Variants in KLF3 observed in about 807,000 individuals in gnomAD.
The protein encoded by KLF3 is KLF transcription factor 3, also known as Krueppel-like factor 3.
KLF3 carries 6 observed loss-of-function variants against 32.7 expected under a neutral mutation model. The observed-to-expected ratio is 0.18, with a 90% CI of 0.10 to 0.36. KLF3 has a LOEUF of 0.36. Ranked by LOEUF, KLF3 falls within the 10% of genes least tolerant of loss-of-function variation. The pLI is 1.00. For missense variants in KLF3, 338 were observed against 449.7 expected, an observed-to-expected ratio of 0.75 and a Z score of 2.25; for synonymous variants, 145 against 172.8, an observed-to-expected ratio of 0.84 and a Z score of 1.26.
In KLF3 at chr4:38,678,080, A is replaced by G. The variant is rs574594048; in HGVS notation, c.-39-2507A>G. Among the ~76,000 whole-genome samples, 9 of 151,360 alleles carry G rather than the reference A, an allele frequency of 5.9e-5. No individual in the cohort carries two copies. The South Asian group carries it at 1.9e-3, about 31-fold the overall frequency. On this transcript the variant is annotated intron_variant, in intron 1 of 5. Transcript: ENST00000261438. The stretch of plus-strand genomic sequence containing the variant: ...ATACACCTGAGAATGTGAATGCTTT[A>G]ATTTAGAAGCATTTGCATCAAGATA...
At chr4:38,669,071 C>T (rs373292390) in intron 1 of KLF3, among the ~76,000 whole-genome samples, 3 of 152,248 alleles carry the variant, frequency 2.0e-5, no homozygotes, top group East Asian at 3.9e-4. Context: ...ATTTCTTAGG[C>T]AGCATTTCTT....
intron 2 of KLF3, among the ~76,000 whole-genome samples, chr4:38,685,638 G>A (rs1212308076): frequency 1.3e-5 from 2 of 152,130 alleles, no homozygotes; most frequent in Non-Finnish European, 2.9e-5. Context: ...CCATTTAGCT[G>A]CCAATAACTA....
chr4:38,682,203 C>T (rs962209970), intron 2 of KLF3, among the ~76,000 whole-genome samples: 10 of 152,210 alleles, frequency 6.6e-5, no homozygotes, highest in Admixed American at 3.3e-4. Flanking sequence ...GGATTACAGG[C>T]GCATGCCACC....
chr4:38,675,771 C>T (rs1421489246), intron 1 of KLF3, among the ~76,000 whole-genome samples: 1 of 152,188 alleles, frequency 6.6e-6, no homozygotes, highest in African/African-American at 2.4e-5. Context: ...ATTTTCTAAG[C>T]ATTTGTGGTT....
chr4:38,672,546 C>T (rs901489320), intron 1 of KLF3, among the ~76,000 whole-genome samples: 3 of 150,944 alleles, frequency 2.0e-5, no homozygotes, highest in East Asian at 2.0e-4. Context: ...ATTCCATTGC[C>T]GGTTGCCCAG....
chr4:38,693,097 T>C (rs1272017490), intron 4 of KLF3, among the ~76,000 whole-genome samples: 1 of 111,090 alleles, frequency 9.0e-6, no homozygotes, highest in Non-Finnish European at 1.8e-5. Flanking sequence ...TACACGTATA[T>C]ATATATGTAC....
rs79459020 is a variant in KLF3, at chr4:38,688,259, T to C, written c.58-326T>C. ...ATGATAATGGCCCCCAAGCCTGTGCTATCACCTGTCTTAGAATTTTGCCAG... is the reference window on the plus strand; with the variant it reads ...ATGATAATGGCCCCCAAGCCTGTGCCATCACCTGTCTTAGAATTTTGCCAG... On this transcript the variant is annotated intron_variant, in intron 2 of 5. Coordinates refer to ENST00000261438, the MANE Select transcript of KLF3 (RefSeq NM_016531.6). The surrounding 1 kb of genome is among the most constrained non-coding windows in gnomAD (Gnocchi z 4.9). Among the ~76,000 whole-genome samples the C allele has an allele frequency of 1.7e-3, 258 of 152,332 alleles. 5 individuals carry two copies. The East Asian group carries it at 0.024, about 14-fold the overall frequency.
intron 4 of KLF3, among the ~76,000 whole-genome samples, chr4:38,692,986 A>G (rs1377201368): frequency 6.6e-6 from 1 of 150,496 alleles, no homozygotes; most frequent in South Asian, 2.1e-4. Flanking sequence ...ATTTTAAATG[A>G]ATAATTCAGC....
At chr4:38,687,751 C>T (rs1295253120) in intron 2 of KLF3, among the ~76,000 whole-genome samples, 1 of 152,192 alleles carries the variant, frequency 6.6e-6, no homozygotes, top group African/African-American at 2.4e-5. Context: ...ACTTGCCATT[C>T]AAGTCTACAG....
At chr4:38,664,728 G>T (rs1007039666) in intron 1 of KLF3, 1 of 149,656 alleles carries the variant, frequency 6.7e-6, no homozygotes, top group African/African-American at 2.5e-5. Flanking sequence ...TGCGGACCCC[G>T]GGTGCGGGGG....
chr4:38,677,270 G>A (rs1262118934), intron 1 of KLF3, among the ~76,000 whole-genome samples: 4 of 152,052 alleles, frequency 2.6e-5, no homozygotes, highest in Non-Finnish European at 4.4e-5. Context: ...CAGTGCCAGC[G>A]TTTTATACTA....
At chr4:38,692,419 C>G (rs940800594) in intron 4 of KLF3, among the ~76,000 whole-genome samples, 2 of 152,140 alleles carry the variant, frequency 1.3e-5, no homozygotes, top group African/African-American at 4.8e-5. Context: ...GGGACATCCT[C>G]AAAAAACTCA....
chr4:38,665,228 C>T (rs961347970), intron 1 of KLF3, among the ~76,000 whole-genome samples: 5 of 152,104 alleles, frequency 3.3e-5, no homozygotes, highest in Non-Finnish European at 2.9e-5. Flanking sequence ...AGAGAACCTG[C>T]CGCAGTGCCT....
chr4:38,697,014 C>T, intron 5 of KLF3, 68 bp from the exon 6 acceptor site: 1 of 1,271,612 alleles, frequency 7.9e-7, no homozygotes, highest in Non-Finnish European at 1.1e-6. Flanking sequence ...ATTTGTCAAG[C>T]ATTAACTCAA....
intron 2 of KLF3, among the ~76,000 whole-genome samples, chr4:38,681,765 G>A (rs891927656): frequency 2.6e-5 from 4 of 152,216 alleles, no homozygotes; most frequent in South Asian, 2.1e-4. Flanking sequence ...AACTTGGCCC[G>A]AGGTGTGTAT....
chr4:38,689,455 A>T (rs1722810872), intron 3 of KLF3, among the ~76,000 whole-genome samples: 5 of 152,228 alleles, frequency 3.3e-5, no homozygotes, highest in Admixed American at 3.3e-4. Context: ...CTGGTCATAG[A>T]GGACTAAGGG....
intron 1 of KLF3, among the ~76,000 whole-genome samples, chr4:38,665,243 CA>C (rs1192507907): frequency 1.3e-5 from 2 of 152,114 alleles, no homozygotes; most frequent in Non-Finnish European, 2.9e-5. Context: ...GTGCCTGGAG[CA>C]AGGATTGCAG....
chr4:38,682,843 A>G (rs1722571401), intron 2 of KLF3, among the ~76,000 whole-genome samples: 1 of 152,342 alleles, frequency 6.6e-6, no homozygotes, highest in East Asian at 1.9e-4. Context: ...CTAGATTTCA[A>G]CTGCAGCTGA....
chr4:38,668,020 C>A (rs1193507603), intron 1 of KLF3, among the ~76,000 whole-genome samples: 1 of 152,140 alleles, frequency 6.6e-6, no homozygotes, highest in Non-Finnish European at 1.5e-5. Flanking sequence ...CATTTCCAAC[C>A]CGTTTTTAAG....
Sources: allele counts gnomAD v4.1 joint callset (sites outside exome capture counted in the v4.1 genomes callset), GRCh38; gene constraint gnomAD v4.1.1; non-coding constraint Gnocchi (gnomAD v3.1); transcripts MANE v1.5; gene names NCBI Gene and HGNC (gene_info 2026-07-23, HGNC 2026-07-21).